RGPD1: variants seen among roughly 807,000 people sequenced by gnomAD.
RGPD1 encodes RANBP2 like and GRIP domain containing 1, also known as RANBP2-like and GRIP domain-containing protein 1.
In RGPD1, 7 loss-of-function variants were observed where a neutral mutation model predicts 40.6. The ratio of observed to expected loss-of-function variants is 0.17; its 90% confidence interval spans 0.10 to 0.32. The LOEUF is 0.32. Ranked by LOEUF, RGPD1 falls within the 10% of genes least tolerant of loss-of-function variation. The pLI is 1.00. For synonymous variants in RGPD1, 24 were observed against 167.0 expected, an observed-to-expected ratio of 0.14 and a Z score of 6.60; for missense variants, 50 against 472.5, an observed-to-expected ratio of 0.11 and a Z score of 8.29.
At chr2:86,931,578 A>G (rs531480786) in intron 1 of RGPD1, among the ~76,000 whole-genome samples, 1 of 152,130 alleles carries the variant, frequency 6.6e-6, no homozygotes, top group Non-Finnish European at 1.5e-5. Context: ...AGCTTTCTCT[A>G]TTATAAATGA....
At chr2:86,941,283 GGAAAATACAGACGGCT>G (rs1315587873), upstream of RGPD1, among the ~76,000 whole-genome samples, 1 of 147,912 alleles carries the variant, frequency 6.8e-6, no homozygotes, top group Non-Finnish European at 1.5e-5. Context: ...TTGAAGATTT[GGAAAATACAGACGGCT>G]GAAAATCTTT....
intron 1 of RGPD1, among the ~76,000 whole-genome samples, chr2:86,943,926 G>A (rs1241355947): frequency 5.3e-5 from 8 of 151,926 alleles, no homozygotes; most frequent in Admixed American, 4.6e-4. Flanking sequence ...AGGCAGGAGA[G>A]TCGCTTGAAC....
chr2:86,941,736 G>T (rs1235161386), upstream of RGPD1, among the ~76,000 whole-genome samples: 1 of 150,240 alleles, frequency 6.7e-6, no homozygotes, highest in African/African-American at 2.5e-5. Context: ...TTTTTTTTAG[G>T]AAGTCTTACT....
At chr2:86,914,466 CGGCG>C (rs1677655388) in intron 1 of RGPD1, among the ~76,000 whole-genome samples, 1 of 15,034 alleles carries the variant, frequency 6.7e-5, no homozygotes, top group Non-Finnish European at 1.0e-4. Context: ...GCGGCGGCGG[CGGCG>C]GCGGCCTCGG....
At chr2:86,925,457 C>T (rs889314600) in intron 1 of RGPD1, among the ~76,000 whole-genome samples, 2 of 150,792 alleles carry the variant, frequency 1.3e-5, no homozygotes, top group Non-Finnish European at 3.0e-5. Flanking sequence ...TAGTAGAGAC[C>T]ACGTTTCACC....
chr2:86,913,871 G>C lies in RGPD1; in HGVS notation c.22G>C (p.Gly8Arg), dbSNP rs575131153. 70 of 1,581,048 alleles carry C rather than the reference G, an allele frequency of 4.4e-5. 4 individuals carry two copies. The Middle Eastern group carries it at 6.9e-4, about 16-fold the overall frequency. Residue 8 changes from glycine (G) to arginine (R), a missense_variant, in exon 1 of 23, where the codon GGG (glycine) becomes CGG (arginine). Transcript: ENST00000398193. ...TGCGATGAGGCGCAGCAAGGCCTAC[G>C]GGGAGCGGTACCTCGCCTCGGTGCA...
intron 1 of RGPD1, among the ~76,000 whole-genome samples, chr2:86,931,672 C>T (rs1678972897): frequency 6.6e-6 from 1 of 151,752 alleles, no homozygotes; most frequent in African/African-American, 2.4e-5. Flanking sequence ...AATACATTTT[C>T]ATAAATCATA....
chr2:86,929,481 A>G (rs1337156747), intron 1 of RGPD1, among the ~76,000 whole-genome samples: 2 of 151,918 alleles, frequency 1.3e-5, no homozygotes, highest in Non-Finnish European at 2.9e-5. Flanking sequence ...TAACCAGGCT[A>G]GCATTTGTTT....
intron 1 of RGPD1, among the ~76,000 whole-genome samples, chr2:86,943,088 T>C (rs1204709501): frequency 2.0e-5 from 3 of 151,294 alleles, no homozygotes; most frequent in Non-Finnish European, 4.4e-5. Context: ...AGGAACCCAG[T>C]GGGGACTGAC....
intron 1 of RGPD1, among the ~76,000 whole-genome samples, chr2:86,929,668 C>A (rs1678767107): frequency 8.7e-6 from 1 of 115,510 alleles, no homozygotes; most frequent in Non-Finnish European, 1.8e-5. Context: ...CTCAAAGTAA[C>A]CTGACTCCAG....
intron 1 of RGPD1, among the ~76,000 whole-genome samples, chr2:86,945,668 G>A (rs990610151): frequency 6.6e-6 from 1 of 151,958 alleles, no homozygotes; most frequent in African/African-American, 2.4e-5. Flanking sequence ...AGCACTTTGG[G>A]AGGCAGAGAG....
At chr2:86,943,261 C>T (rs1171501895) in intron 1 of RGPD1, among the ~76,000 whole-genome samples, 4 of 138,478 alleles carry the variant, frequency 2.9e-5, no homozygotes, top group Admixed American at 1.4e-4. Flanking sequence ...TCCACTCATA[C>T]TCACCTCCCT....
chr2:86,942,045 A>G (rs1024693822), upstream of RGPD1, among the ~76,000 whole-genome samples: 2 of 151,606 alleles, frequency 1.3e-5, no homozygotes, highest in African/African-American at 4.9e-5. Context: ...GGTGCTGCCA[A>G]GAGCCCGGCC....
chr2:86,923,292 G>A (rs900583447), intron 1 of RGPD1, among the ~76,000 whole-genome samples: 38 of 151,564 alleles, frequency 2.5e-4, no homozygotes, highest in Non-Finnish European at 1.5e-4. Context: ...TCCTGACCTT[G>A]GTGTCCCAAA....
chr2:86,928,731 TAGAC>T (rs1427477371), intron 1 of RGPD1, among the ~76,000 whole-genome samples: 2 of 152,160 alleles, frequency 1.3e-5, no homozygotes, highest in Non-Finnish European at 2.9e-5. Context: ...AATGAGAAAG[TAGAC>T]AGGCACCATT....
At chr2:87,000,442 T>G (rs1681942823) in intron 22 of RGPD1, among the ~76,000 whole-genome samples, 1 of 90,508 alleles carries the variant, frequency 1.1e-5, no homozygotes, top group Non-Finnish European at 2.0e-5. Flanking sequence ...TTTAAAGAAT[T>G]TCATAGAGGA....
chr2:86,929,257 C>T (rs1434471600), intron 1 of RGPD1, among the ~76,000 whole-genome samples: 1 of 146,816 alleles, frequency 6.8e-6, no homozygotes, highest in Non-Finnish European at 1.5e-5. Context: ...TTCACCTGGA[C>T]AGATTGGCTA....
At chr2:86,914,225 T>TCGGCCTGGCCGGGCGGCGGCGGCGGCGG (rs1677621575) in intron 1 of RGPD1, among the ~76,000 whole-genome samples, 2 of 59,524 alleles carry the variant, frequency 3.4e-5, no homozygotes, top group Non-Finnish European at 6.9e-5. Flanking sequence ...GGCGGCGGCC[T>TCGGCCTGGCCGGGCGGCGGCGGCGGCGG]CGGCCTGGCC....
chr2:86,940,915 G>GC (rs1279167310), upstream of RGPD1, among the ~76,000 whole-genome samples: 1 of 152,148 alleles, frequency 6.6e-6, no homozygotes, highest in African/African-American at 2.4e-5. Context: ...GTTAATGTGG[G>GC]CCACACACAC....
Sources: allele counts gnomAD v4.1 joint callset (sites outside exome capture counted in the v4.1 genomes callset), GRCh38; gene constraint gnomAD v4.1.1; transcripts MANE v1.5; gene names NCBI Gene and HGNC (gene_info 2026-07-23, HGNC 2026-07-21).